PPFIA2: variants seen among roughly 807,000 people sequenced by gnomAD.
The protein encoded by PPFIA2 is PPFI scaffold protein A2.
PPFIA2 carries 46 observed loss-of-function variants against 175.5 expected under a neutral mutation model. The ratio of observed to expected loss-of-function variants is 0.26; its 90% CI spans 0.21 to 0.34. The LOEUF (loss-of-function observed/expected upper bound fraction) is 0.34, where lower values mean the gene tolerates loss of function less well. Among genes scored for constraint, PPFIA2 ranks in the 10% least tolerant of loss-of-function variants. PPFIA2 has a pLI of 1.00. For synonymous variants in PPFIA2, 568 were observed against 511.4 expected (o/e 1.11, Z -1.49); for missense variants, 1,179 against 1,506.1 (o/e 0.78, Z 3.60).
chr12:81,636,263 A>AT (rs147916617), intron 4 of PPFIA2, among the ~76,000 whole-genome samples: 13,028 of 117,340 alleles, frequency 0.11, 910 homozygotes, highest in East Asian at 0.24. Context: ...TAACTCTCTG[A>AT]TTTTTTTTTT....
intron 4 of PPFIA2, among the ~76,000 whole-genome samples, chr12:81,649,315 C>T (rs917364681): frequency 4.6e-5 from 7 of 151,964 alleles, no homozygotes; most frequent in Non-Finnish European, 8.8e-5. Context: ...AATGCATGAC[C>T]ACATGTTCAA....
intron 3 of PPFIA2, among the ~76,000 whole-genome samples, chr12:81,684,296 G>A (rs1447118631): frequency 6.6e-6 from 1 of 152,042 alleles, no homozygotes; most frequent in African/African-American, 2.4e-5. Context: ...ATAGAGGTAT[G>A]GATAGTTTAC....
At chr12:81,382,669 A>C (rs1001536287) in intron 9 of PPFIA2, among the ~76,000 whole-genome samples, 4 of 152,192 alleles carry the variant, frequency 2.6e-5, no homozygotes, top group African/African-American at 9.6e-5. Context: ...TGGCCTGAGC[A>C]ACAATAATAA....
At chr12:81,271,877 C>T (rs2039212351) in intron 28 of PPFIA2, among the ~76,000 whole-genome samples, 1 of 151,994 alleles carries the variant, frequency 6.6e-6, no homozygotes, top group Non-Finnish European at 1.5e-5. Context: ...ATGATCATTT[C>T]CATCTGCCTG....
chr12:81,331,987 G>A (rs972456542), intron 21 of PPFIA2, among the ~76,000 whole-genome samples: 2 of 152,126 alleles, frequency 1.3e-5, no homozygotes, highest in African/African-American at 4.8e-5. Flanking sequence ...AAATCAGTAT[G>A]TTAAGATGGT....
intron 5 of PPFIA2, 125 bp downstream of exon 5, chr12:81,457,640 G>A (rs942895263): frequency 2.0e-5 from 11 of 546,518 alleles, no homozygotes; most frequent in African/African-American, 1.9e-4. Flanking sequence ...AAGTAACTGA[G>A]TTACTATCTG....
intron 4 of PPFIA2, among the ~76,000 whole-genome samples, chr12:81,638,693 T>G (rs1189517337): frequency 1.5e-5 from 2 of 129,766 alleles, no homozygotes; most frequent in Non-Finnish European, 3.2e-5. Context: ...TTTTTTTTTT[T>G]TTTTTTTTTT....
At chr12:81,283,074 G>T (rs1195616616) in intron 25 of PPFIA2, 35 bp from the exon 26 acceptor site, 18 of 1,604,056 alleles carry the variant, frequency 1.1e-5, no homozygotes, top group Admixed American at 1.7e-5. Context: ...AATAAAGCAG[G>T]TAAATATAAA....
At chr12:81,668,741 A>G (rs896886360) in intron 4 of PPFIA2, among the ~76,000 whole-genome samples, 23 of 151,992 alleles carry the variant, frequency 1.5e-4, no homozygotes, top group African/African-American at 5.6e-4. Flanking sequence ...CCATTATTAC[A>G]AGTCTGTGGT....
At chr12:81,439,862 C>T in intron 7 of PPFIA2, 110 bp downstream of exon 7, 2 of 933,834 alleles carry the variant, frequency 2.1e-6, no homozygotes, top group East Asian at 5.2e-5. Context: ...ATGGCATAGA[C>T]AGAATGTAAT....
At chr12:81,642,639 TATACATACATGTATGTATCTATTATATAC>T (rs2065141332) in intron 4 of PPFIA2, among the ~76,000 whole-genome samples, 7 of 140,842 alleles carry the variant, frequency 5.0e-5, no homozygotes, top group African/African-American at 1.5e-4. Flanking sequence ...ATATCTATTA[TATACATACATGTATGTATCTATTATATAC>T]ATACATGTAT....
chr12:81,333,958 C>T (rs977744037), intron 21 of PPFIA2, among the ~76,000 whole-genome samples: 1 of 152,150 alleles, frequency 6.6e-6, no homozygotes, highest in African/African-American at 2.4e-5. Flanking sequence ...CCTAACTGTT[C>T]CAGCACTCAG....
intron 28 of PPFIA2, among the ~76,000 whole-genome samples, chr12:81,272,661 CT>C (rs1201699495): frequency 4.6e-5 from 7 of 151,886 alleles, no homozygotes; most frequent in Non-Finnish European, 1.0e-4. Context: ...CGTGGTTTTC[CT>C]CATTTTGGCC....
rs1157717998 is a variant in PPFIA2, at chr12:81,374,924, T to A, written c.1132-156A>T. Reference sequence around the variant, plus strand: ...AGTGTTGATTGTTGTCTTGTTATCATATATTGCTTATCTGTTTCCTTCATA... The same window carrying A: ...AGTGTTGATTGTTGTCTTGTTATCAAATATTGCTTATCTGTTTCCTTCATA... On this transcript the variant is annotated intron_variant, in intron 10 of 32. Transcript: ENST00000549396. 2.0e-5 allele frequency among the ~76,000 whole-genome samples: 3 copies of A among 152,202 alleles called. No homozygotes were observed. In the East Asian group the frequency reaches 5.8e-4, roughly 29 times the overall value.
At chr12:81,595,944 T>C (rs1230391008) in intron 4 of PPFIA2, among the ~76,000 whole-genome samples, 1 of 152,208 alleles carries the variant, frequency 6.6e-6, no homozygotes, top group Non-Finnish European at 1.5e-5. Flanking sequence ...AAATCCCAAC[T>C]CCTTGATGCA....
At chr12:81,457,707 C>T (rs2053832496) in intron 5 of PPFIA2, 58 bp downstream of exon 5, 1 of 993,868 alleles carries the variant, frequency 1.0e-6, no homozygotes, top group African/African-American at 1.6e-5. Flanking sequence ...ATGTGTGTTA[C>T]ATGTAATGCA....
chr12:81,426,327 C>T (rs540996338), intron 7 of PPFIA2, among the ~76,000 whole-genome samples: 1 of 152,236 alleles, frequency 6.6e-6, no homozygotes, highest in East Asian at 1.9e-4. Flanking sequence ...CCTGCTTTGG[C>T]TGATTTTGAT....
chr12:81,605,985 A>G (rs998830715), intron 4 of PPFIA2, among the ~76,000 whole-genome samples: 4 of 151,778 alleles, frequency 2.6e-5, no homozygotes, highest in Admixed American at 1.3e-4. Flanking sequence ...TTCCCACCAT[A>G]GTAGTCTACA....
At chr12:81,447,309 T>A (rs1049647240) in intron 5 of PPFIA2, among the ~76,000 whole-genome samples, 2 of 152,136 alleles carry the variant, frequency 1.3e-5, no homozygotes, top group Non-Finnish European at 2.9e-5. Context: ...GTTGTGGAGA[T>A]TTGCATGAAC....
Sources: allele counts gnomAD v4.1 joint callset (sites outside exome capture counted in the v4.1 genomes callset), GRCh38; gene constraint gnomAD v4.1.1; transcripts MANE v1.5; gene names NCBI Gene and HGNC (gene_info 2026-07-23, HGNC 2026-07-21).